Variants in EZH2 observed in about 807,000 individuals in gnomAD.
The protein encoded by EZH2 is histone-lysine N-methyltransferase EZH2.
Under a neutral mutation model 98.4 loss-of-function variants are expected in EZH2, and 18 were observed. The observed-to-expected ratio is 0.18, with a 90% CI of 0.13 to 0.27. EZH2 has a LOEUF of 0.27. Ranked by LOEUF, EZH2 falls within the 10% of genes least tolerant of loss-of-function variation. EZH2 has a pLI of 1.00. For missense variants in EZH2, 470 were observed against 935.1 expected (o/e 0.50, Z 6.49); for synonymous variants, 338 against 312.3 (o/e 1.08, Z -0.87).
intron 3 of EZH2, among the ~76,000 whole-genome samples, chr7:148,841,478 A>G (rs1402354430): frequency 6.6e-6 from 1 of 152,316 alleles, no homozygotes; most frequent in African/African-American, 2.4e-5. Context: ...GAATGAGTGT[A>G]TATGTTCAGA....
chr7:148,814,832 GTTC>G (rs1210182822), intron 14 of EZH2, 79 bp downstream of exon 14: 43 of 1,501,526 alleles, frequency 2.9e-5, no homozygotes, highest in Non-Finnish European at 3.7e-5. Flanking sequence ...GTGCTCCCAT[GTTC>G]TTATTTTTGA....
At chr7:148,836,523 C>A (rs1370398133) in intron 3 of EZH2, among the ~76,000 whole-genome samples, 1 of 152,144 alleles carries the variant, frequency 6.6e-6, no homozygotes, top group African/African-American at 2.4e-5. Flanking sequence ...ATAATTAAGT[C>A]TCATGTCACT....
intron 1 of EZH2, among the ~76,000 whole-genome samples, chr7:148,857,594 T>C (rs1200813632): frequency 1.3e-5 from 2 of 151,796 alleles, no homozygotes; most frequent in Admixed American, 6.6e-5. Flanking sequence ...CTACTAAAAA[T>C]ACAAAAATTA....
chr7:148,841,761 T>A (rs1287825573), intron 3 of EZH2, among the ~76,000 whole-genome samples: 1 of 152,164 alleles, frequency 6.6e-6, no homozygotes, highest in African/African-American at 2.4e-5. Flanking sequence ...AGGAACTTCA[T>A]TACTAAATCA....
At chr7:148,859,807 T>C (rs749120414) in intron 1 of EZH2, among the ~76,000 whole-genome samples, 3 of 152,170 alleles carry the variant, frequency 2.0e-5, no homozygotes, top group Non-Finnish European at 2.9e-5. Context: ...GCAGGCTCAG[T>C]ATATCCGCAA....
At chr7:148,811,388 C>G (rs552347710) in intron 16 of EZH2, among the ~76,000 whole-genome samples, 1 of 152,064 alleles carries the variant, frequency 6.6e-6, no homozygotes, top group Non-Finnish European at 1.5e-5. Flanking sequence ...TGAGCTCAAG[C>G]AATCCACCTG....
chr7:148,813,825 A>G, intron 15 of EZH2, 134 bp downstream of exon 15: 1 of 899,862 alleles, frequency 1.1e-6, no homozygotes, highest in Non-Finnish European at 1.7e-6. Flanking sequence ...AATTATGAAC[A>G]CTTTCTCATC....
chr7:148,847,242 T>C lies in EZH2; in HGVS notation c.57A>G (p.Val19=). The C allele has an allele frequency of 6.2e-7, 1 of 1,614,076 alleles. No individual in the cohort carries two copies. Among genetic ancestry groups the C allele is most frequent in the East Asian group, 2.2e-5 (1 of 44,878 alleles). ...EKGPVCWRKR[V]KSEYMRLRQL... ...GTCTCAGTCGCATGTACTCTGATTT[T>C]ACACGCTTCCGCCAACAAACTGGTC... The change falls in exon 2 of 20, where the codon GTA becomes GTG. Residue 19 remains valine (V), a synonymous_variant. Coordinates refer to ENST00000320356, the MANE Select transcript of EZH2 (RefSeq NM_004456.5).
rs534601870 is a variant in EZH2, at chr7:148,871,639, A to G, written c.-8+12525T>C. Among the ~76,000 whole-genome samples the G allele has an allele frequency of 1.6e-4, 25 of 151,602 alleles. No individual in the cohort carries two copies. In the South Asian group the frequency reaches 5.0e-3, roughly 30 times the overall value. On this transcript the variant is annotated intron_variant, in intron 1 of 19. Coordinates refer to ENST00000320356, the MANE Select transcript of EZH2 (RefSeq NM_004456.5). ...CCCTGGCTGGAGTGCAATGGCATGAATAACAGCTCACTGCAGCCTCGACCT... is the reference window on the plus strand; with the variant it reads ...CCCTGGCTGGAGTGCAATGGCATGAGTAACAGCTCACTGCAGCCTCGACCT...
Position 148,815,159 on chromosome 7 carries a change from G to T in EZH2, c.1547-120C>A. On this transcript the variant is annotated intron_variant, in intron 13 of 19. Coordinates refer to ENST00000320356, the MANE Select transcript of EZH2 (RefSeq NM_004456.5). ...GGAGTGTAGCTGGCCTGCCTTTACT[G>T]AATGCATAACATTACACATATTCCG... 2 of 1,247,030 alleles carry T rather than the reference G, an allele frequency of 1.6e-6. 1 individual carries two copies. Among genetic ancestry groups the T allele is most frequent in the Middle Eastern group, 5.2e-4 (2 of 3,862 alleles). The allele number at this position is 1,247,030 out of a possible 1,614,324, so 77.2% of individuals were successfully genotyped here.
intron 1 of EZH2, among the ~76,000 whole-genome samples, chr7:148,881,626 C>A (rs1185683706): frequency 6.6e-6 from 1 of 152,110 alleles, no homozygotes; most frequent in African/African-American, 2.4e-5. Flanking sequence ...AGAGAACACT[C>A]AAGGGCAAAG....
intron 5 of EZH2, among the ~76,000 whole-genome samples, 177 bp downstream of exon 5, chr7:148,829,551 A>C (rs897729831): frequency 1.3e-5 from 2 of 152,186 alleles, no homozygotes; most frequent in Non-Finnish European, 2.9e-5. Context: ...ATTTTCCCAA[A>C]AATAGTTAGG....
At chr7:148,881,999 C>T (rs1008731188) in intron 1 of EZH2, among the ~76,000 whole-genome samples, 14 of 138,694 alleles carry the variant, frequency 1.0e-4, no homozygotes, top group Admixed American at 5.8e-4. Flanking sequence ...CACACACACA[C>T]ATATGTATCC....
At chr7:148,827,288 GA>G in intron 6 of EZH2, 22 bp from the exon 7 acceptor site, 4 of 1,559,118 alleles carry the variant, frequency 2.6e-6, no homozygotes, top group Non-Finnish European at 3.5e-6. Context: ...AATATGAAAG[GA>G]AAAAAAGAAT....
At chr7:148,810,120 C>A in intron 17 of EZH2, 1 of 437,110 alleles carries the variant, frequency 2.3e-6, no homozygotes, top group East Asian at 3.2e-5. Flanking sequence ...ACAGCCGGGA[C>A]TCCAGAGAGG....
chr7:148,822,898 C>T (rs1806574357), intron 8 of EZH2, among the ~76,000 whole-genome samples: 1 of 152,102 alleles, frequency 6.6e-6, no homozygotes, highest in African/African-American at 2.4e-5. Context: ...GCCAAGACTG[C>T]ACCACTGCAC....
At chr7:148,842,013 C>T (rs1383091386) in intron 3 of EZH2, among the ~76,000 whole-genome samples, 2 of 152,160 alleles carry the variant, frequency 1.3e-5, no homozygotes, top group African/African-American at 2.4e-5. Context: ...ATTCTTCATA[C>T]GAGGACCGTG....
chr7:148,860,805 G>A (rs1350484364), intron 1 of EZH2, among the ~76,000 whole-genome samples: 1 of 152,068 alleles, frequency 6.6e-6, no homozygotes, highest in Non-Finnish European at 1.5e-5. Context: ...CCAGGTAGCT[G>A]GGACCACATG....
chr7:148,854,188 A>G (rs1333930006), intron 1 of EZH2, among the ~76,000 whole-genome samples: 1 of 152,206 alleles, frequency 6.6e-6, no homozygotes, highest in Non-Finnish European at 1.5e-5. Flanking sequence ...GCTCACGCCA[A>G]TAATCCCAGC....
Sources: allele counts gnomAD v4.1 joint callset (sites outside exome capture counted in the v4.1 genomes callset), GRCh38; gene constraint gnomAD v4.1.1; transcripts MANE v1.5; gene names NCBI Gene and HGNC (gene_info 2026-07-23, HGNC 2026-07-21).